The following RRN3 variants were observed in gnomAD, a reference collection of about 807,000 sequenced individuals.
The protein encoded by RRN3 is RNA polymerase I-specific transcription initiation factor RRN3.
Under a neutral mutation model 82.3 loss-of-function variants are expected in RRN3, and 38 were observed. The ratio of observed to expected loss-of-function variants is 0.46; its 90% CI spans 0.36 to 0.61. The LOEUF is 0.61. Among genes scored for constraint, RRN3 ranks in the 20% least tolerant of loss-of-function variants. The probability of loss-of-function intolerance (pLI) is 0.00; values close to 1 mark genes in which losing one functional copy is unlikely to be tolerated. For synonymous variants in RRN3, 284 were observed against 284.3 expected, an observed-to-expected ratio of 1.00 and a Z score of 0.01; for missense variants, 726 against 793.1, an observed-to-expected ratio of 0.92 and a Z score of 1.02.
intron 13 of RRN3, among the ~76,000 whole-genome samples, 165 bp downstream of exon 13, chr16:15,070,956 A>G (rs931501776): frequency 1.3e-5 from 2 of 152,228 alleles, no homozygotes; most frequent in Admixed American, 6.5e-5. Context: ...GAGACACTTT[A>G]TTCTAAAATC....
Position 15,085,726 on chromosome 16 carries a change from T to C in RRN3, c.473-28A>G, listed in dbSNP as rs745972060. The C allele has an allele frequency of 2.5e-6, 4 of 1,612,238 alleles. No homozygotes were observed. In the South Asian group the frequency reaches 4.4e-5, roughly 18 times the overall value. On this transcript the variant is annotated intron_variant, in intron 5 of 17. Coordinates refer to ENST00000198767, the MANE Select transcript of RRN3 (RefSeq NM_018427.5). Reference sequence around the variant, plus strand: ...TTTGAGGGAAAAAGAAAATATGTTATTCTGTCATTGATCTAGACAATGAAT... The same window carrying C: ...TTTGAGGGAAAAAGAAAATATGTTACTCTGTCATTGATCTAGACAATGAAT...
chr16:15,079,364 G>A (rs915311768), intron 9 of RRN3, among the ~76,000 whole-genome samples: 1 of 152,136 alleles, frequency 6.6e-6, no homozygotes, highest in Non-Finnish European at 1.5e-5. Flanking sequence ...AGGCCAAACA[G>A]GAAAAATCAC....
chr16:15,081,153 A>G (rs2045688043), intron 8 of RRN3, among the ~76,000 whole-genome samples: 1 of 152,182 alleles, frequency 6.6e-6, no homozygotes, highest in Non-Finnish European at 1.5e-5. Context: ...ACTTGAGGCT[A>G]TTATGGATGA....
chr16:15,086,150 T>A lies in RRN3; in HGVS notation c.451A>T (p.Ile151Phe). The A allele has an allele frequency of 6.2e-7, 1 of 1,601,820 alleles. No homozygotes were observed. The highest frequency in any genetic ancestry group is 1.1e-5 in the South Asian group (1 of 88,620). The change falls in exon 5 of 18, where the codon ATT becomes TTT. Residue 151 changes from isoleucine (I) to phenylalanine (F), a missense_variant. Physicochemically the swap from Ile to Phe is conservative, Grantham distance 21. Coordinates refer to ENST00000198767, the MANE Select transcript of RRN3 (RefSeq NM_018427.5). The part of the protein sequence containing the change: ...TVFLRPCLSM[I>F]ASHFVPPRVI... ...TTACGAGGCACAAAATGGGAAGCAATCATGCTGAGACACGGTCTGAGGAAA... is the reference window on the plus strand; with the variant it reads ...TTACGAGGCACAAAATGGGAAGCAAACATGCTGAGACACGGTCTGAGGAAA...
At chr16:15,068,118 TAAATAA>T in intron 15 of RRN3, 45 bp downstream of exon 15, 1 of 1,488,578 alleles carries the variant, frequency 6.7e-7, no homozygotes, top group Non-Finnish European at 9.1e-7. Context: ...TAGATAAACA[TAAATAA>T]AAATATTTTA....
intron 8 of RRN3, 21 bp from the exon 9 acceptor site, chr16:15,080,117 T>C (rs1388101601): frequency 1.9e-6 from 3 of 1,586,040 alleles, no homozygotes; most frequent in Non-Finnish European, 2.6e-6. Context: ...AAATGTAAGA[T>C]AAAACATTTC....
chr16:15,072,324 G>A (rs1212502444), intron 12 of RRN3, among the ~76,000 whole-genome samples: 1 of 151,910 alleles, frequency 6.6e-6, no homozygotes, highest in Non-Finnish European at 1.5e-5. Context: ...AAGTTGGTTT[G>A]GGCTAGTTAC....
At chr16:15,062,002 TG>T in intron 17 of RRN3, 97 bp from the exon 18 acceptor site, 2 of 1,216,600 alleles carry the variant, frequency 1.6e-6, no homozygotes, top group Non-Finnish European at 2.3e-6. Context: ...TTTGTAAAGA[TG>T]GTGAAGAAAA....
intron 9 of RRN3, among the ~76,000 whole-genome samples, chr16:15,079,378 C>T (rs1364778548): frequency 6.6e-6 from 1 of 152,184 alleles, no homozygotes; most frequent in Non-Finnish European, 1.5e-5. Context: ...AAATCACTTC[C>T]GTAAGAATCC....
chr16:15,061,745 CAG>C lies in RRN3; in HGVS notation c.1953_1954del (p.Ter652ThrfsTer7). The C allele has an allele frequency of 6.2e-7, 1 of 1,606,066 alleles. No homozygotes were observed. The highest frequency in any genetic ancestry group is 8.5e-7 in the Non-Finnish European group (1 of 1,173,376). On this transcript the variant is annotated frameshift_variant and stop_lost, in exon 18 of 18. Coordinates refer to ENST00000198767, the MANE Select transcript of RRN3 (RefSeq NM_018427.5). LOFTEE classifies it high-confidence loss of function. ...CATCTCAGTCACAAATTTCTGCCGT[CAG>C]AGGGGACTGGGTTGCATGTACAACA... is the stretch of plus-strand genomic sequence containing the variant.
chr16:15,067,861 G>A (rs925358426), intron 15 of RRN3, among the ~76,000 whole-genome samples: 17 of 152,012 alleles, frequency 1.1e-4, no homozygotes, highest in African/African-American at 4.1e-4. Flanking sequence ...GGGCTCAAGT[G>A]ATCCTCCTAC....
rs2045843355 is a variant in RRN3, at chr16:15,084,651, T to C, written c.587A>G (p.Tyr196Cys). ...GGAAAAGTATACTCACGATGGTACA[T>C]ATCTTGCTATTATTTGCAAGGCTCT... The part of the protein sequence containing the change: ...CHRALQIIAR[Y>C]VPSTPWFLMP... Residue 196 changes from tyrosine (Y) to cysteine (C), a missense_variant, in exon 7 of 18, where the codon TAT (tyrosine) becomes TGT (cysteine). Physicochemically the swap from Tyr to Cys is radical, Grantham distance 194. Around this residue, in one of 4 missense-constraint regions of RRN3, gnomAD observed 344 missense variants for 394.5 expected, o/e 0.87. Transcript: ENST00000198767. The C allele has an allele frequency of 6.2e-7, 1 of 1,608,120 alleles. No homozygotes were observed. Among genetic ancestry groups the C allele is most frequent in the Non-Finnish European group, 8.5e-7 (1 of 1,174,548 alleles).
chr16:15,085,052 C>A (rs913927335), intron 6 of RRN3, among the ~76,000 whole-genome samples: 4 of 151,814 alleles, frequency 2.6e-5, no homozygotes, highest in African/African-American at 9.7e-5. Context: ...GGCAACAGAG[C>A]GAGACTCTGT....
intron 2 of RRN3, among the ~76,000 whole-genome samples, chr16:15,092,276 C>T (rs2046164226): frequency 6.6e-6 from 1 of 152,068 alleles, no homozygotes; most frequent in Non-Finnish European, 1.5e-5. Context: ...AGAGGTGAAA[C>T]CTCAGTAAAG....
At chr16:15,091,268 A>G (rs376025585) in intron 3 of RRN3, 47 bp downstream of exon 3, 3 of 1,604,954 alleles carry the variant, frequency 1.9e-6, no homozygotes, top group Non-Finnish European at 2.6e-6. Flanking sequence ...CTATGTCTGT[A>G]TACAGTGGCA....
chr16:15,093,038 C>T (rs1324126822), intron 1 of RRN3, among the ~76,000 whole-genome samples: 5 of 151,940 alleles, frequency 3.3e-5, no homozygotes, highest in African/African-American at 1.2e-4. Context: ...GAGTCTTGCT[C>T]TGCTGCCCAG....
chr16:15,088,310 C>T (rs1251331599), intron 3 of RRN3, among the ~76,000 whole-genome samples: 1 of 151,946 alleles, frequency 6.6e-6, no homozygotes, highest in African/African-American at 2.4e-5. Flanking sequence ...ACCTCATCTC[C>T]AGAAAAATTA....
At chr16:15,094,312 G>C (rs1010535903), upstream of RRN3, 5 of 1,269,562 alleles carry the variant, frequency 3.9e-6, no homozygotes, top group African/African-American at 7.5e-5. Context: ...CCCGGAAGTT[G>C]CGCGTGCCAG....
In RRN3 at chr16:15,061,523, T is replaced by C. The variant is rs1002785711; in HGVS notation, c.*221A>G. ...GTATCATCAACCCCACTGTAAAAGA[T>C]TGCACATGATAGTCTTCATTTTGTC... On this transcript the variant is annotated 3_prime_UTR_variant, in exon 18 of 18. Coordinates refer to ENST00000198767, the MANE Select transcript of RRN3 (RefSeq NM_018427.5). 4.5e-5 allele frequency: 19 copies of C among 421,472 alleles called. No individual in the cohort carries two copies. The highest frequency in any genetic ancestry group is 5.9e-4 in the Middle Eastern group (1 of 1,686). 26.1% of individuals were successfully genotyped at this position (421,472 alleles called of 1,614,324 possible). A position where few individuals can be genotyped will look rare whatever the true frequency, so the allele number is the denominator to read the frequency against.
Sources: gnomAD v4.1 joint callset for allele counts (sites outside exome capture counted in the v4.1 genomes callset) on GRCh38, gnomAD v4.1.1 for gene constraint, gnomAD v4.1.1 regional missense constraint, MANE v1.5 for transcripts, NCBI Gene and HGNC (gene_info 2026-07-23, HGNC 2026-07-21) for gene names.